RCAN2: variants seen among roughly 807,000 people sequenced by gnomAD.
RCAN2 encodes calcipressin-2.
In RCAN2, 9 loss-of-function variants were observed where a neutral mutation model predicts 23.6. That is an observed-to-expected ratio of 0.38 (90% confidence interval 0.23 to 0.67). The LOEUF (loss-of-function observed/expected upper bound fraction) is 0.67. Among genes scored for constraint, RCAN2 ranks in the 30% least tolerant of loss-of-function variants. The pLI is 0.51. For missense variants in RCAN2, 273 were observed against 302.3 expected (o/e 0.90, Z 0.72); for synonymous variants, 109 against 115.7 (o/e 0.94, Z 0.37).
intron 2 of RCAN2, among the ~76,000 whole-genome samples, chr6:46,416,620 T>A (rs1387074226): frequency 6.6e-6 from 1 of 151,730 alleles, no homozygotes; most frequent in Non-Finnish European, 1.5e-5. Flanking sequence ...GCTCAAGCAA[T>A]CCTCCCACCT....
chr6:46,350,408 A>G (rs532415458), intron 2 of RCAN2, among the ~76,000 whole-genome samples: 3 of 152,278 alleles, frequency 2.0e-5, no homozygotes, highest in Non-Finnish European at 2.9e-5. Context: ...AGTAGCTTAG[A>G]TGGGGGCAGT....
chr6:46,441,842 T>C (rs573413091), intron 2 of RCAN2, among the ~76,000 whole-genome samples: 1 of 152,262 alleles, frequency 6.6e-6, no homozygotes, highest in South Asian at 2.1e-4. Flanking sequence ...AAGCACAAAA[T>C]TATCAATGAA....
chr6:46,255,558 G>C (rs74586464), intron 2 of RCAN2, among the ~76,000 whole-genome samples: 1 of 152,182 alleles, frequency 6.6e-6, no homozygotes, highest in Non-Finnish European at 1.5e-5. Context: ...GATGCCCTTA[G>C]GGTCAACATG....
At chr6:46,357,230 G>T (rs1371140875) in intron 2 of RCAN2, among the ~76,000 whole-genome samples, 17 of 152,114 alleles carry the variant, frequency 1.1e-4, no homozygotes, top group Admixed American at 1.1e-3. Flanking sequence ...ATAAACTTCA[G>T]GGCAACTAAA....
chr6:46,283,959 C>G (rs148651949), intron 2 of RCAN2, among the ~76,000 whole-genome samples: 1 of 152,084 alleles, frequency 6.6e-6, no homozygotes, highest in African/African-American at 2.4e-5. Context: ...GACCTAGTTG[C>G]TGAATCTAGG....
intron 2 of RCAN2, among the ~76,000 whole-genome samples, chr6:46,291,220 CA>C (rs1029327485): frequency 2.0e-5 from 3 of 150,070 alleles, no homozygotes; most frequent in South Asian, 2.1e-4. Flanking sequence ...ACCACAGAGT[CA>C]GGGGGAAAAA....
chr6:46,312,503 G>A (rs981877462), intron 2 of RCAN2, among the ~76,000 whole-genome samples: 1 of 152,078 alleles, frequency 6.6e-6, no homozygotes, highest in Non-Finnish European at 1.5e-5. Flanking sequence ...CAGGAACCAG[G>A]GTTTGGATTT....
At chr6:46,318,801 C>T (rs1434501293) in intron 2 of RCAN2, among the ~76,000 whole-genome samples, 2 of 152,128 alleles carry the variant, frequency 1.3e-5, no homozygotes, top group African/African-American at 4.8e-5. Flanking sequence ...TATATGTACA[C>T]ACATATGTTT....
rs184313518 is a variant in RCAN2 at position 46,470,386 on chromosome 6, A to T, written c.-2-13408T>A. On this transcript the variant is annotated intron_variant, in intron 1 of 4. Coordinates refer to ENST00000371374, the MANE Select transcript of RCAN2 (RefSeq NM_001251974.2). Reference sequence around the variant, plus strand: ...CTGGATAAACAGCCAACAACATTGAAGTGCCTTATTAAGATGTCAGAGATC... The same window carrying T: ...CTGGATAAACAGCCAACAACATTGATGTGCCTTATTAAGATGTCAGAGATC... 2.0e-5 allele frequency among the ~76,000 whole-genome samples: 3 copies of T among 152,346 alleles called. No homozygotes were observed. In the East Asian group the frequency reaches 5.8e-4, roughly 29 times the overall value.
At chr6:46,482,434 C>T (rs777118585) in intron 1 of RCAN2, among the ~76,000 whole-genome samples, 2 of 152,022 alleles carry the variant, frequency 1.3e-5, no homozygotes, top group African/African-American at 4.8e-5. Flanking sequence ...GAGGATTCTG[C>T]CATGATCTGG....
At chr6:46,487,753 C>G (rs1451427418) in intron 1 of RCAN2, among the ~76,000 whole-genome samples, 2 of 152,188 alleles carry the variant, frequency 1.3e-5, no homozygotes, top group Non-Finnish European at 2.9e-5. Context: ...TCAGGCACTC[C>G]CATTAGCTCT....
intron 2 of RCAN2, among the ~76,000 whole-genome samples, chr6:46,419,888 T>G (rs1766826963): frequency 6.6e-6 from 1 of 152,222 alleles, no homozygotes; most frequent in African/African-American, 2.4e-5. Flanking sequence ...AAATTCAGTA[T>G]AGATTATATT....
At chr6:46,280,552 C>T (rs764925014) in intron 2 of RCAN2, among the ~76,000 whole-genome samples, 1 of 152,120 alleles carries the variant, frequency 6.6e-6, no homozygotes, top group Non-Finnish European at 1.5e-5. Context: ...CAGGCACCTC[C>T]AGATACCCAA....
At chr6:46,437,975 A>AG (rs1422057071) in intron 2 of RCAN2, among the ~76,000 whole-genome samples, 2 of 152,362 alleles carry the variant, frequency 1.3e-5, no homozygotes, top group Non-Finnish European at 1.5e-5. Context: ...GGAGAAAATT[A>AG]GGACACATGG....
At chr6:46,431,160 T>C (rs1354381954) in intron 2 of RCAN2, among the ~76,000 whole-genome samples, 2 of 152,118 alleles carry the variant, frequency 1.3e-5, no homozygotes, top group Non-Finnish European at 2.9e-5. Flanking sequence ...TGTGTTTCAT[T>C]TTCCTGGTTG....
chr6:46,459,556 T>G (rs1462827529), intron 1 of RCAN2, among the ~76,000 whole-genome samples: 1 of 152,190 alleles, frequency 6.6e-6, no homozygotes, highest in Non-Finnish European at 1.5e-5. Context: ...GGTGAATGCA[T>G]TTTTGGCAAA....
chr6:46,280,827 C>G (rs938224650), intron 2 of RCAN2, among the ~76,000 whole-genome samples: 6 of 151,982 alleles, frequency 3.9e-5, no homozygotes, highest in African/African-American at 1.5e-4. Context: ...TGAGATGTCT[C>G]AGGGAGGTAT....
chr6:46,319,868 T>A (rs867063306), intron 2 of RCAN2, among the ~76,000 whole-genome samples: 8 of 152,288 alleles, frequency 5.3e-5, no homozygotes, highest in African/African-American at 1.9e-4. Flanking sequence ...GTTATACACA[T>A]GCCATCTCTC....
chr6:46,395,402 A>G (rs902353102), intron 2 of RCAN2, among the ~76,000 whole-genome samples: 2 of 152,250 alleles, frequency 1.3e-5, no homozygotes, highest in Non-Finnish European at 2.9e-5. Flanking sequence ...GAAGGTTTCA[A>G]CAAAGGACGA....
Sources: allele counts gnomAD v4.1 joint callset (sites outside exome capture counted in the v4.1 genomes callset), GRCh38; gene constraint gnomAD v4.1.1; transcripts MANE v1.5; gene names NCBI Gene and HGNC (gene_info 2026-07-23, HGNC 2026-07-21).